SORCS1: variants seen among roughly 807,000 people sequenced by gnomAD.
SORCS1 encodes the protein VPS10 domain-containing receptor SorCS1.
In SORCS1, 60 loss-of-function variants were observed where a neutral mutation model predicts 146.1. The ratio of observed to expected loss-of-function variants is 0.41; its 90% confidence interval spans 0.33 to 0.51. The LOEUF (loss-of-function observed/expected upper bound fraction) is 0.51. Among genes scored for constraint, SORCS1 ranks in the 20% least tolerant of loss-of-function variants. The probability of loss-of-function intolerance (pLI) is 0.21; values close to 1 mark genes in which losing one functional copy is unlikely to be tolerated. For synonymous variants in SORCS1, 637 were observed against 584.0 expected, an observed-to-expected ratio of 1.09 and a Z score of -1.31; for missense variants, 1,352 against 1,487.6, an observed-to-expected ratio of 0.91 and a Z score of 1.50.
intron 1 of SORCS1, among the ~76,000 whole-genome samples, chr10:107,096,736 T>C (rs1319617408): frequency 2.6e-5 from 4 of 152,124 alleles, no homozygotes; most frequent in South Asian, 4.1e-4. Context: ...GGTCTCGAAC[T>C]CCTGACCTCA....
At chr10:106,634,928 T>C (rs1848644100) in intron 18 of SORCS1, among the ~76,000 whole-genome samples, 1 of 152,220 alleles carries the variant, frequency 6.6e-6, no homozygotes, top group Non-Finnish European at 1.5e-5. Context: ...TCTTCAGATC[T>C]AATGCTCTTT....
intron 19 of SORCS1, among the ~76,000 whole-genome samples, chr10:106,628,093 T>C (rs1848215387): frequency 6.6e-6 from 1 of 152,230 alleles, no homozygotes; most frequent in Non-Finnish European, 1.5e-5. Context: ...TGAGTTGGCA[T>C]ACTGAGAATC....
intron 1 of SORCS1, among the ~76,000 whole-genome samples, chr10:107,138,756 T>C (rs888313620): frequency 1.3e-5 from 2 of 152,112 alleles, no homozygotes; most frequent in African/African-American, 4.8e-5. Flanking sequence ...CCAAATAACA[T>C]ATTTTGAGGA....
At chr10:106,773,290 A>G (rs1860166274) in intron 4 of SORCS1, among the ~76,000 whole-genome samples, 1 of 152,196 alleles carries the variant, frequency 6.6e-6, no homozygotes, top group Admixed American at 6.5e-5. Flanking sequence ...ACACCAGCAC[A>G]TGGTCCTCCT....
intron 18 of SORCS1, among the ~76,000 whole-genome samples, chr10:106,634,096 T>C (rs1848590188): frequency 6.6e-6 from 1 of 152,196 alleles, no homozygotes; most frequent in Admixed American, 6.5e-5. Context: ...TTAATAAGGC[T>C]GGGAATGGAA....
intron 24 of SORCS1, among the ~76,000 whole-genome samples, chr10:106,580,028 C>T (rs1844809789): frequency 6.6e-6 from 1 of 152,034 alleles, no homozygotes; most frequent in African/African-American, 2.4e-5. Context: ...ATAAAACCAC[C>T]TGCAGGAATA....
At chr10:107,075,521 T>G (rs1221337956) in intron 1 of SORCS1, among the ~76,000 whole-genome samples, 1 of 152,126 alleles carries the variant, frequency 6.6e-6, no homozygotes, top group African/African-American at 2.4e-5. Flanking sequence ...GCAGGATTGT[T>G]GATACTGTTA....
chr10:106,829,705 G>A, intron 2 of SORCS1, 32 bp from the exon 3 acceptor site: 1 of 1,532,594 alleles, frequency 6.5e-7, no homozygotes, highest in Non-Finnish European at 9.0e-7. Context: ...AATGAGGACA[G>A]AAGTATATGT....
At chr10:106,984,776 GAC>G (rs1450580925) in intron 1 of SORCS1, among the ~76,000 whole-genome samples, 3 of 151,988 alleles carry the variant, frequency 2.0e-5, no homozygotes, top group Non-Finnish European at 4.4e-5. Context: ...TATCTTTATA[GAC>G]ACACACTTTT....
chr10:106,673,020 G>GATAACA, intron 14 of SORCS1, 35 bp from the exon 15 acceptor site: 1 of 1,545,158 alleles, frequency 6.5e-7, no homozygotes, highest in Non-Finnish European at 8.9e-7. Flanking sequence ...TAATTACAAT[G>GATAACA]ATAACAATGT....
At position 106,799,015 on chromosome 10, in the gene SORCS1, C is replaced by T. The variant is rs572581582; in HGVS notation, c.727-22323G>A. Among the ~76,000 whole-genome samples the T allele has an allele frequency of 2.4e-4, 36 of 152,288 alleles. 1 individual carries two copies. In the South Asian group the frequency reaches 7.1e-3, roughly 30 times the overall value. ...CTACAGTAACCAAAACAGCATGGTA[C>T]TGGTACCAAAACAGAGATATAGATC... On this transcript the variant is annotated intron_variant, in intron 3 of 25. Transcript: ENST00000263054.
chr10:106,708,268 GTA>G, intron 7 of SORCS1, among the ~76,000 whole-genome samples: 1 of 150,004 alleles, frequency 6.7e-6, no homozygotes, highest in South Asian at 2.1e-4. Context: ...GTGTGTGTGT[GTA>G]TGTGTGTGAT....
chr10:106,817,452 T>G (rs1424222357), intron 3 of SORCS1, among the ~76,000 whole-genome samples: 2 of 152,176 alleles, frequency 1.3e-5, no homozygotes, highest in Non-Finnish European at 2.9e-5. Flanking sequence ...TGGCTGCTTC[T>G]TTTATTGCTA....
chr10:106,784,962 T>C (rs61867311), intron 3 of SORCS1, among the ~76,000 whole-genome samples: 14,919 of 152,238 alleles, frequency 0.098, 814 homozygotes, highest in East Asian at 0.22. Context: ...GAAAAGTCCA[T>C]AGACATTAAT....
At chr10:107,128,771 C>T (rs532496190) in intron 1 of SORCS1, among the ~76,000 whole-genome samples, 11 of 152,264 alleles carry the variant, frequency 7.2e-5, no homozygotes, top group South Asian at 2.1e-4. Flanking sequence ...AATGCTGATG[C>T]GTGATGTTGA....
intron 23 of SORCS1, among the ~76,000 whole-genome samples, chr10:106,602,432 T>C (rs1846294925): frequency 6.6e-6 from 1 of 151,932 alleles, no homozygotes; most frequent in South Asian, 2.1e-4. Context: ...AATTCATACA[T>C]TTTTTGCATT....
intron 2 of SORCS1, among the ~76,000 whole-genome samples, chr10:106,894,665 GT>G (rs1298271499): frequency 1.3e-5 from 2 of 152,156 alleles, no homozygotes; most frequent in Non-Finnish European, 1.5e-5. Context: ...AAGAAAAGCA[GT>G]TGCTCATGAG....
At chr10:107,124,537 A>C (rs1331782011) in intron 1 of SORCS1, among the ~76,000 whole-genome samples, 7 of 151,876 alleles carry the variant, frequency 4.6e-5, no homozygotes, top group Non-Finnish European at 1.0e-4. Context: ...GAAAACTGAA[A>C]AGGAAGGTAA....
intron 3 of SORCS1, among the ~76,000 whole-genome samples, chr10:106,816,840 G>A (rs184122492): frequency 9.2e-5 from 14 of 152,200 alleles, no homozygotes; most frequent in Non-Finnish European, 1.5e-4. Context: ...AAGCACTGGC[G>A]CTGCAGGGGT....
Sources: allele counts gnomAD v4.1 joint callset (sites outside exome capture counted in the v4.1 genomes callset), GRCh38; gene constraint gnomAD v4.1.1; transcripts MANE v1.5; gene names NCBI Gene and HGNC (gene_info 2026-07-23, HGNC 2026-07-21).